BTBD16: variants seen among roughly 807,000 people sequenced by gnomAD.
BTBD16 encodes BTB/POZ domain-containing protein 16.
In BTBD16, 66 loss-of-function variants were observed where a neutral mutation model predicts 67.4. That is an observed-to-expected ratio of 0.98 (90% CI 0.80 to 1.20). The LOEUF is 1.20. Ranked by LOEUF, BTBD16 falls within the 50% of genes most tolerant of loss-of-function variation. The probability of loss-of-function intolerance (pLI) is 0.00; values close to 1 mark genes in which losing one functional copy is unlikely to be tolerated. For missense variants in BTBD16, 634 were observed against 616.0 expected (o/e 1.03, Z -0.31); for synonymous variants, 242 against 236.4 (o/e 1.02, Z -0.22).
chr10:122,297,567 G>T (rs1207604129), intron 7 of BTBD16, among the ~76,000 whole-genome samples: 1 of 152,174 alleles, frequency 6.6e-6, no homozygotes, highest in African/African-American at 2.4e-5. Context: ...TTGATTTCTG[G>T]CCTCATCTCC....
chr10:122,284,866 T>G (rs2096360565), intron 4 of BTBD16, among the ~76,000 whole-genome samples: 1 of 152,114 alleles, frequency 6.6e-6, no homozygotes, highest in Non-Finnish European at 1.5e-5. Context: ...ATGGCTGCCA[T>G]GCATTGGCCA....
At chr10:122,297,039 T>C (rs2096384630) in intron 7 of BTBD16, among the ~76,000 whole-genome samples, 1 of 152,270 alleles carries the variant, frequency 6.6e-6, no homozygotes, top group East Asian at 1.9e-4. Flanking sequence ...GCCTCTCTTC[T>C]GACTTCTGGT....
intron 10 of BTBD16, among the ~76,000 whole-genome samples, chr10:122,310,631 AG>A (rs1193445798): frequency 4.6e-5 from 7 of 152,220 alleles, no homozygotes; most frequent in Admixed American, 4.6e-4. Flanking sequence ...ACAGAGGAGC[AG>A]ACCCCAGGGG....
intron 7 of BTBD16, among the ~76,000 whole-genome samples, chr10:122,293,899 A>G (rs1425331067): frequency 6.6e-6 from 1 of 152,178 alleles, no homozygotes; most frequent in Non-Finnish European, 1.5e-5. Context: ...TGGAAGCCGC[A>G]TTTAACCTTC....
chr10:122,332,949 T>C, intron 13 of BTBD16: 1 of 985,342 alleles, frequency 1.0e-6, no homozygotes, highest in Non-Finnish European at 1.2e-6. Flanking sequence ...GCTATTTTGA[T>C]GGATTTCAGA....
At chr10:122,288,705 A>C (rs2096368332) in intron 5 of BTBD16, among the ~76,000 whole-genome samples, 1 of 152,120 alleles carries the variant, frequency 6.6e-6, no homozygotes, top group African/African-American at 2.4e-5. Flanking sequence ...TCTGAAGAAG[A>C]ATAAAATCAG....
intron 7 of BTBD16, among the ~76,000 whole-genome samples, chr10:122,296,518 G>T (rs187006425): frequency 5.9e-5 from 9 of 152,244 alleles, no homozygotes; most frequent in Non-Finnish European, 8.8e-5. Flanking sequence ...TTGTGCTTCC[G>T]TATGAGATCC....
intron 1 of BTBD16, among the ~76,000 whole-genome samples, chr10:122,273,543 C>A (rs970155398): frequency 2.6e-5 from 4 of 152,014 alleles, no homozygotes; most frequent in Non-Finnish European, 5.9e-5. Context: ...AGTTCAAGAC[C>A]AGTCTGGGCA....
Position 122,276,838 on chromosome 10 carries a change from G to A in BTBD16, c.66G>A (p.Trp22Ter), listed in dbSNP as rs2096341606. The change falls in exon 3 of 16, where the codon TGG (tryptophan) becomes TGA (stop). Residue 22 changes from tryptophan to a stop codon, truncating the protein, a stop_gained. Coordinates refer to ENST00000260723, the MANE Select transcript of BTBD16 (RefSeq NM_144587.5). LOFTEE classifies it high-confidence loss of function. ...ERRVTGSTNR[W>*]RLPKQPFSGD... ...GGGTCACTGGCTCAACCAACCGGTGGCGTTTGCCCAAACAGCCTTTCTCTG... is the reference window on the plus strand; with the variant it reads ...GGGTCACTGGCTCAACCAACCGGTGACGTTTGCCCAAACAGCCTTTCTCTG... The A allele has an allele frequency of 8.7e-6, 14 of 1,614,240 alleles. No individual in the cohort carries two copies. Among genetic ancestry groups the A allele is most frequent in the Middle Eastern group, 1.6e-4 (1 of 6,062 alleles).
chr10:122,307,864 T>G (rs557232464), intron 10 of BTBD16, among the ~76,000 whole-genome samples: 89 of 152,350 alleles, frequency 5.8e-4, no homozygotes, highest in African/African-American at 2.0e-3. Context: ...TAAGCCAAGT[T>G]TCATTTGCAT....
At position 122,337,998 on chromosome 10, in the gene BTBD16, G is replaced by C. The variant is rs776005634; in HGVS notation, c.1453-19G>C. 1.3e-6 allele frequency: 2 copies of C among 1,595,818 alleles called. No individual in the cohort carries two copies. The highest frequency in any genetic ancestry group is 8.6e-7 in the Non-Finnish European group (1 of 1,164,902). On this transcript the variant is annotated intron_variant, in intron 15 of 15. Transcript: ENST00000260723. ...TCATCCTAAAAGTCACATTCACTTT[G>C]TTTTTTTTCATGTTTTAGACCTTGA... is the stretch of plus-strand genomic sequence containing the variant.
At chr10:122,288,093 G>C (rs2096367135) in intron 5 of BTBD16, among the ~76,000 whole-genome samples, 1 of 149,922 alleles carries the variant, frequency 6.7e-6, no homozygotes. Context: ...CAGGCATTGT[G>C]CTAGGAGCTT....
intron 10 of BTBD16, among the ~76,000 whole-genome samples, chr10:122,308,054 C>T (rs1287688853): frequency 6.6e-6 from 1 of 152,220 alleles, no homozygotes; most frequent in African/African-American, 2.4e-5. Context: ...CCCGCCCTCC[C>T]CCACTCTTTT....
At chr10:122,287,319 CAGTG>C (rs2096365733) in intron 5 of BTBD16, 1 of 583,270 alleles carries the variant, frequency 1.7e-6, no homozygotes, top group African/African-American at 2.0e-5. Flanking sequence ...GTGAGCCAGA[CAGTG>C]AGTTCATGGA....
At chr10:122,327,088 C>T (rs2096446374) in intron 10 of BTBD16, among the ~76,000 whole-genome samples, 1 of 152,144 alleles carries the variant, frequency 6.6e-6, no homozygotes, top group African/African-American at 2.4e-5. Context: ...CTGGACTAGC[C>T]CTGAGTGGCC....
rs1564981281 is a variant in BTBD16, at chr10:122,299,026, C to A, written c.683C>A (p.Thr228Asn). The change falls in exon 9 of 16, where the codon ACC (threonine) becomes AAC (asparagine). Residue 228 changes from threonine (T) to asparagine (N), a missense_variant. Coordinates refer to ENST00000260723, the MANE Select transcript of BTBD16 (RefSeq NM_144587.5). ...GCKYKEEQLTTGCEKWLEMNL... is the reference protein window; with the variant it reads ...GCKYKEEQLTNGCEKWLEMNL... ...TAGTACAAGGAAGAGCAGCTCACCACCGGCTGCGAGAAGTGGCTGGAAATG... is the reference window on the plus strand; with the variant it reads ...TAGTACAAGGAAGAGCAGCTCACCAACGGCTGCGAGAAGTGGCTGGAAATG... 2 of 1,614,016 alleles carry A rather than the reference C, an allele frequency of 1.2e-6. No homozygotes were observed. The highest frequency in any genetic ancestry group is 1.7e-6 in the Non-Finnish European group (2 of 1,180,012).
chr10:122,281,572 G>C (rs1232571356), intron 3 of BTBD16, among the ~76,000 whole-genome samples: 1 of 151,968 alleles, frequency 6.6e-6, no homozygotes, highest in African/African-American at 2.4e-5. Context: ...GCTCCATCAG[G>C]GTATTTAACA....
At chr10:122,297,353 T>C (rs1232739930) in intron 7 of BTBD16, among the ~76,000 whole-genome samples, 4 of 152,208 alleles carry the variant, frequency 2.6e-5, no homozygotes, top group Non-Finnish European at 4.4e-5. Flanking sequence ...TTTGATTCCA[T>C]TTGTGCACAG....
intron 10 of BTBD16, among the ~76,000 whole-genome samples, chr10:122,308,594 G>A (rs2096407796): frequency 3.9e-5 from 6 of 152,116 alleles, no homozygotes; most frequent in Admixed American, 3.9e-4. Context: ...AGCCTGCTGT[G>A]TCCCTTCCCC....
Sources: gnomAD v4.1 joint callset for allele counts (sites outside exome capture counted in the v4.1 genomes callset) on GRCh38, gnomAD v4.1.1 for gene constraint, MANE v1.5 for transcripts, NCBI Gene and HGNC (gene_info 2026-07-23, HGNC 2026-07-21) for gene names.